Variants in ADAMTSL1 observed in about 807,000 individuals in gnomAD.
The protein encoded by ADAMTSL1 is ADAMTS like 1.
In ADAMTSL1, 126 loss-of-function variants were observed where a neutral mutation model predicts 201.8. The observed-to-expected ratio is 0.62, with a 90% CI of 0.54 to 0.72. ADAMTSL1 has a LOEUF of 0.72. ADAMTSL1 is among the 30% of genes least tolerant of loss of function. The probability of loss-of-function intolerance (pLI) is 0.00; values close to 1 mark genes in which losing one functional copy is unlikely to be tolerated. For synonymous variants in ADAMTSL1, 1,121 were observed against 903.4 expected (o/e 1.24, Z -4.32); for missense variants, 2,679 against 2,277.8 (o/e 1.18, Z -3.59).
chr9:18,190,910 C>G (rs1346401841), intron 2 of ADAMTSL1, among the ~76,000 whole-genome samples: 1 of 152,108 alleles, frequency 6.6e-6, no homozygotes, highest in Non-Finnish European at 1.5e-5. Flanking sequence ...CATCGTACCC[C>G]TAGGGCACAT....
intron 1 of ADAMTSL1, among the ~76,000 whole-genome samples, chr9:18,487,556 G>T (rs985406373): frequency 6.6e-6 from 1 of 152,124 alleles, no homozygotes; most frequent in Non-Finnish European, 1.5e-5. Context: ...GGGAAAAAAA[G>T]TTAATTTCAG....
At chr9:18,481,613 TC>T (rs879367161) in intron 1 of ADAMTSL1, among the ~76,000 whole-genome samples, 28 of 152,150 alleles carry the variant, frequency 1.8e-4, no homozygotes, top group Non-Finnish European at 1.0e-4. Flanking sequence ...TAAATAACTC[TC>T]TGCACCTGCT....
At chr9:18,196,009 A>G (rs566324393) in intron 2 of ADAMTSL1, among the ~76,000 whole-genome samples, 19 of 152,160 alleles carry the variant, frequency 1.2e-4, no homozygotes, top group African/African-American at 3.9e-4. Flanking sequence ...ATCACTTCCT[A>G]TTTTCTGTTA....
intron 9 of ADAMTSL1, among the ~76,000 whole-genome samples, chr9:18,662,734 G>A (rs138221168): frequency 3.3e-5 from 5 of 152,136 alleles, no homozygotes; most frequent in Non-Finnish European, 5.9e-5. Context: ...TTATCTGCAG[G>A]GTCAAGAATC....
chr9:18,194,184 C>A (rs1477608901), intron 2 of ADAMTSL1, among the ~76,000 whole-genome samples: 1 of 152,038 alleles, frequency 6.6e-6, no homozygotes, highest in Non-Finnish European at 1.5e-5. Context: ...AAAGTGATGA[C>A]CTTAGTCTCC....
At chr9:18,085,780 T>A (rs189881459) in intron 1 of ADAMTSL1, among the ~76,000 whole-genome samples, 1 of 149,858 alleles carries the variant, frequency 6.7e-6, no homozygotes, top group Non-Finnish European at 1.5e-5. Context: ...TATATATATA[T>A]ACACACACAC....
At chr9:18,662,199 A>G (rs973029193) in intron 9 of ADAMTSL1, 126 bp downstream of exon 9, 10 of 1,273,412 alleles carry the variant, frequency 7.9e-6, no homozygotes, top group East Asian at 2.5e-5. Flanking sequence ...GTTGCTGTCC[A>G]GTGTTCATTA....
chr9:18,058,944 G>A (rs755797701), intron 1 of ADAMTSL1, among the ~76,000 whole-genome samples: 104 of 152,246 alleles, frequency 6.8e-4, no homozygotes, highest in Middle Eastern at 3.4e-3. Context: ...GAAATTTCAT[G>A]GATATTCCTG....
At chr9:18,056,660 G>A (rs1010245180) in intron 1 of ADAMTSL1, among the ~76,000 whole-genome samples, 2 of 152,182 alleles carry the variant, frequency 1.3e-5, no homozygotes, top group African/African-American at 4.8e-5. Flanking sequence ...CAAGCATTCA[G>A]AGCATGGTAA....
In ADAMTSL1 at chr9:18,883,473, T is replaced by TA. The variant is rs1010891541; in HGVS notation, c.4250-4356dup. Reference sequence around the variant, plus strand: ...TAAAATTTACAATTTCAACTCTTTTTAAGTGCACAGTTTGATGCCATTGCA... The same window carrying TA: ...TAAAATTTACAATTTCAACTCTTTTTAAAGTGCACAGTTTGATGCCATTGCA... On this transcript the variant is annotated intron_variant, in intron 23 of 28. Coordinates refer to ENST00000380548, the MANE Select transcript of ADAMTSL1 (RefSeq NM_001040272.6). Among the ~76,000 whole-genome samples, 14 of 152,216 alleles carry TA rather than the reference T, an allele frequency of 9.2e-5. 1 individual carries two copies. The highest frequency in any genetic ancestry group is 3.4e-4 in the African/African-American group (14 of 41,448).
At chr9:18,444,601 C>G in intron 2 of ADAMTSL1, among the ~76,000 whole-genome samples, 1 of 152,096 alleles carries the variant, frequency 6.6e-6, no homozygotes, top group Non-Finnish European at 1.5e-5. Context: ...CACCTGTGCA[C>G]ACATTAGTTT....
intron 1 of ADAMTSL1, among the ~76,000 whole-genome samples, chr9:17,961,612 G>T (rs1309590825): frequency 6.6e-6 from 1 of 152,164 alleles, no homozygotes; most frequent in Non-Finnish European, 1.5e-5. Flanking sequence ...ACTGTTGGCT[G>T]TGTGTTCCAA....
At chr9:18,696,896 T>TATTATTATTA (rs1564159146) in intron 13 of ADAMTSL1, among the ~76,000 whole-genome samples, 3 of 146,172 alleles carry the variant, frequency 2.1e-5, no homozygotes, top group African/African-American at 2.5e-5. Context: ...TTATTATTAT[T>TATTATTATTA]TTGAGATGGA....
At chr9:18,656,628 C>CAAAAA (rs34965386) in intron 7 of ADAMTSL1, among the ~76,000 whole-genome samples, 3 of 75,360 alleles carry the variant, frequency 4.0e-5, no homozygotes, top group Non-Finnish European at 5.2e-5. Context: ...GACTCCATCG[C>CAAAAA]AAAAAAAAAA....
At chr9:18,856,356 GATA>G (rs201871957) in intron 23 of ADAMTSL1, among the ~76,000 whole-genome samples, 3,773 of 151,516 alleles carry the variant, frequency 0.025, 87 homozygotes, top group South Asian at 0.091. Flanking sequence ...TTATTCAGAT[GATA>G]ATAATTGGCT....
chr9:18,486,430 A>G (rs141860263), intron 1 of ADAMTSL1, among the ~76,000 whole-genome samples: 52 of 152,314 alleles, frequency 3.4e-4, no homozygotes, highest in Middle Eastern at 6.8e-3. Context: ...CCTAGCCAGC[A>G]TGGTGGCCCA....
chr9:18,867,812 G>C (rs1005524589), intron 23 of ADAMTSL1, among the ~76,000 whole-genome samples: 6 of 152,046 alleles, frequency 3.9e-5, no homozygotes, highest in Non-Finnish European at 8.8e-5. Context: ...ATTTTTAGTA[G>C]AGATGGGGTT....
intron 2 of ADAMTSL1, among the ~76,000 whole-genome samples, chr9:18,516,418 A>G (rs925409969): frequency 2.0e-5 from 3 of 152,186 alleles, no homozygotes; most frequent in African/African-American, 7.2e-5. Context: ...GCCCCTAACT[A>G]ATATACCAAC....
At chr9:18,636,133 TATG>T in intron 6 of ADAMTSL1, 116 bp downstream of exon 6, 1 of 873,456 alleles carries the variant, frequency 1.1e-6, no homozygotes, top group Non-Finnish European at 1.7e-6. Context: ...TCTATCATAA[TATG>T]ATATTTTGAG....
Sources: allele counts gnomAD v4.1 joint callset (sites outside exome capture counted in the v4.1 genomes callset), GRCh38; gene constraint gnomAD v4.1.1; transcripts MANE v1.5; gene names NCBI Gene and HGNC (gene_info 2026-07-23, HGNC 2026-07-21).